Variants in ADGRE2 observed in about 807,000 individuals in gnomAD.
ADGRE2 encodes CD97 antigen.
ADGRE2 carries 83 observed loss-of-function variants against 100.8 expected under a neutral mutation model. The observed-to-expected ratio is 0.82, with a 90% CI of 0.69 to 0.99. The LOEUF is 0.99. Among genes scored for constraint, ADGRE2 ranks in the 50% least tolerant of loss-of-function variants. ADGRE2 has a pLI of 0.00. For missense variants in ADGRE2, 814 were observed against 1,035.7 expected (o/e 0.79, Z 2.94); for synonymous variants, 355 against 413.0 (o/e 0.86, Z 1.70).
Position 14,764,560 on chromosome 19 carries a change from C to T in ADGRE2, c.957G>A (p.Glu319=). ...AGTGCTGCTGTAAGCGGGGCAGGGTCTCCAGGTCCCCAGGGGCCTCCAGCA... is the reference window on the plus strand; with the variant it reads ...AGTGCTGCTGTAAGCGGGGCAGGGTTTCCAGGTCCCCAGGGGCCTCCAGCA... ...DELLEAPGDL[E]TLPRLQQHCV... is the part of the protein sequence containing the mutation. Residue 319 remains glutamate (E), a synonymous_variant, in exon 11 of 21, where the codon GAG becomes GAA. Coordinates refer to ENST00000315576, the MANE Select transcript of ADGRE2 (RefSeq NM_013447.4). 1 of 1,612,884 alleles carries T rather than the reference C, an allele frequency of 6.2e-7. No individual in the cohort carries two copies. Among genetic ancestry groups the T allele is most frequent in the Non-Finnish European group, 8.5e-7 (1 of 1,179,942 alleles).
chr19:14,746,363 A>C, intron 17 of ADGRE2, 40 bp from the exon 18 acceptor site: 1 of 1,138,868 alleles, frequency 8.8e-7, no homozygotes, highest in Non-Finnish European at 1.3e-6. Flanking sequence ...TAGATTTTGA[A>C]ACCTGTTATC....
chr19:14,746,794 G>A, intron 17 of ADGRE2, 102 bp downstream of exon 17: 2 of 1,019,686 alleles, frequency 2.0e-6, no homozygotes, highest in Non-Finnish European at 2.9e-6. Context: ...CCCAACCCAT[G>A]ACAACCCAGG....
intron 16 of ADGRE2, among the ~76,000 whole-genome samples, chr19:14,747,859 A>G (rs1403438768): frequency 6.6e-6 from 1 of 152,184 alleles, no homozygotes; most frequent in Admixed American, 6.5e-5. Flanking sequence ...TTTATGGCTG[A>G]ATAACATTTC....
At chr19:14,724,531 C>T in the ADGRE2 span, among the ~76,000 whole-genome samples, 6 of 152,136 alleles carry the variant, frequency 3.9e-5, no homozygotes, top group Non-Finnish European at 7.4e-5. Flanking sequence ...TTTGGGAGGC[C>T]GAGGCGGGTG....
Position 14,776,726 on chromosome 19 carries a change from C to G in ADGRE2, c.31G>C (p.Ala11Pro). MGGRVFLVFL[A>P]FCVWLTLPGA... The stretch of plus-strand genomic sequence containing the variant: ...CCCAGCGGGGCCCCAAAGTACTTAC[C>G]GAGAAAGACGAGAAAGACGCGGCCT... The change falls in exon 2 of 21, where the codon GCA (alanine) becomes CCA (proline). Residue 11 changes from alanine to proline, a missense_variant and splice_region_variant. Around this residue, in one of 5 missense-constraint regions of ADGRE2, gnomAD observed 143 missense variants for 160.3 expected, o/e 0.89. Transcript: ENST00000315576. 2 of 1,612,850 alleles carry G rather than the reference C, an allele frequency of 1.2e-6. No individual in the cohort carries two copies. The highest frequency in any genetic ancestry group is 1.7e-6 in the Non-Finnish European group (2 of 1,179,468).
In ADGRE2 at chr19:14,742,077, CTG is replaced by C. The variant is rs2042949385; in HGVS notation, c.2463+1341_2463+1342del. 1.8e-5 allele frequency: 7 copies of C among 398,634 alleles called. No homozygotes were observed. In the South Asian group the frequency reaches 8.9e-4, roughly 51 times the overall value. 24.7% of individuals were successfully genotyped at this position (398,634 alleles called of 1,614,324 possible). On this transcript the variant is annotated intron_variant, in intron 20 of 20. Transcript: ENST00000315576. ...GTGCTGGCATTACAAGCTTGAACCACTGTTCCTGGCTGATTTATAAAAAAGCA... is the reference window on the plus strand; with the variant it reads ...GTGCTGGCATTACAAGCTTGAACCACTTCCTGGCTGATTTATAAAAAAGCA...
At chr19:14,773,407 CTTT>C (rs368475089) in intron 4 of ADGRE2, among the ~76,000 whole-genome samples, 5 of 111,540 alleles carry the variant, frequency 4.5e-5, no homozygotes, top group Admixed American at 1.0e-4. Context: ...CTCTTTCTGT[CTTT>C]TTTTTTTTTT....
At chr19:14,773,097 A>AAAAAAAAAAAAAG (rs1568627127) in intron 4 of ADGRE2, among the ~76,000 whole-genome samples, 1 of 110,358 alleles carries the variant, frequency 9.1e-6, no homozygotes, top group Non-Finnish European at 1.8e-5. Context: ...AAAAAAAAAA[A>AAAAAAAAAAAAAG]ACAAAAAAAA....
chr19:14,730,272 C>G (rs989379408), downstream of ADGRE2, among the ~76,000 whole-genome samples: 3 of 152,102 alleles, frequency 2.0e-5, no homozygotes, highest in African/African-American at 7.2e-5. Flanking sequence ...TCAGGCTGGT[C>G]TTGAACTCCT....
At chr19:14,731,390 A>G, downstream of ADGRE2, 3 of 593,812 alleles carry the variant, frequency 5.1e-6, no homozygotes, top group South Asian at 4.3e-5. Context: ...GAGCTTAGTC[A>G]CATACTTCTG....
chr19:14,727,600 T>C (rs564921964), downstream of ADGRE2, among the ~76,000 whole-genome samples: 1 of 152,080 alleles, frequency 6.6e-6, no homozygotes, highest in East Asian at 1.9e-4. Context: ...TTTGCCCCCA[T>C]GATCCAACAC....
rs59692610 is a variant in ADGRE2, at chr19:14,763,063, C to T, written c.1084+1370G>A. Among the ~76,000 whole-genome samples the T allele has an allele frequency of 6.1e-3, 922 of 152,210 alleles. 13 individuals carry two copies. The highest frequency in any genetic ancestry group is 0.021 in the African/African-American group (884 of 41,512). On this transcript the variant is annotated intron_variant, in intron 11 of 20. Coordinates refer to ENST00000315576, the MANE Select transcript of ADGRE2 (RefSeq NM_013447.4). ...TTTAAAAATTATTATGCAGGCCGGG[C>T]GTGGTGGCTCACGCCTGTAATCCCA...
intron 17 of ADGRE2, 47 bp downstream of exon 17, chr19:14,746,849 A>C: frequency 6.4e-7 from 1 of 1,562,626 alleles, no homozygotes; most frequent in South Asian, 1.1e-5. Context: ...TTGTTTTTCT[A>C]ATGACCCTCA....
In ADGRE2 at chr19:14,743,526, C is replaced by A. The variant is rs117617387; in HGVS notation, c.2357G>T (p.Arg786Leu). 6.2e-7 allele frequency: 1 copy of A among 1,613,812 alleles called. No individual in the cohort carries two copies. Among genetic ancestry groups the A allele is most frequent in the African/African-American group, 1.3e-5 (1 of 74,900 alleles). ...LVYCLLSQQV[R>L]EQYGKWSKGI... Reference sequence around the variant, plus strand: ...TTTGGACCATTTCCCATATTGCTCCCGGACCTGCAGAGGCAAAGTGTGTAC... The same window carrying A: ...TTTGGACCATTTCCCATATTGCTCCAGGACCTGCAGAGGCAAAGTGTGTAC... Residue 786 changes from arginine to leucine, a missense_variant, in exon 20 of 21, where the codon CGG becomes CTG. Physicochemically the swap from Arg to Leu is moderately radical, Grantham distance 102 (BLOSUM62 -2). This residue lies in a region of ADGRE2 where 569 missense variants were observed against 692.7 expected (regional missense o/e 0.82). Coordinates refer to ENST00000315576, the MANE Select transcript of ADGRE2 (RefSeq NM_013447.4).
chr19:14,730,439 C>CCTCTT (rs1247545917), downstream of ADGRE2, among the ~76,000 whole-genome samples: 220 of 152,102 alleles, frequency 1.4e-3, no homozygotes, highest in African/African-American at 5.1e-3. Flanking sequence ...TTCCTTCCTT[C>CCTCTT]TTTCCTTCCT....
Position 14,736,077 on chromosome 19 carries a change from T to C in ADGRE2, c.*159A>G. The C allele has an allele frequency of 1.5e-6, 1 of 677,392 alleles. No individual in the cohort carries two copies. The allele number at this position is 677,392 out of a possible 1,614,324, so 42.0% of individuals were successfully genotyped here. A position where few individuals can be genotyped will look rare whatever the true frequency, so the allele number is the denominator to read the frequency against. Reference sequence around the variant, plus strand: ...GAAGATTTCCGGTTTCTGCAGGAATTGAATGCCTAGCACGCCTTCCATAAC... The same window carrying C: ...GAAGATTTCCGGTTTCTGCAGGAATCGAATGCCTAGCACGCCTTCCATAAC... On this transcript the variant is annotated 3_prime_UTR_variant, in exon 21 of 21. Transcript: ENST00000315576.
chr19:14,769,675 C>T (rs2044122588), intron 5 of ADGRE2, among the ~76,000 whole-genome samples: 1 of 152,132 alleles, frequency 6.6e-6, no homozygotes, highest in African/African-American at 2.4e-5. Context: ...GGCCTCTTTT[C>T]TTTTCTCTCT....
At chr19:14,754,879 T>TA in intron 14 of ADGRE2, 75 bp downstream of exon 14, 1 of 1,534,542 alleles carries the variant, frequency 6.5e-7, no homozygotes, top group Non-Finnish European at 8.9e-7. Flanking sequence ...TATATTTTTT[T>TA]AAAAGGCTGC....
chr19:14,727,765 C>T (rs2042642979), downstream of ADGRE2, among the ~76,000 whole-genome samples: 1 of 151,978 alleles, frequency 6.6e-6, no homozygotes, highest in Non-Finnish European at 1.5e-5. Flanking sequence ...GTATCCTAAT[C>T]ATTTCCTTTA....
Sources: allele counts gnomAD v4.1 joint callset (sites outside exome capture counted in the v4.1 genomes callset), GRCh38; gene constraint gnomAD v4.1.1; regional missense constraint gnomAD v4.1.1; transcripts MANE v1.5; gene names NCBI Gene and HGNC (gene_info 2026-07-23, HGNC 2026-07-21).